The following TOP6BL variants were observed in gnomAD, a reference collection of about 807,000 sequenced individuals.
The protein encoded by TOP6BL is TOP6B like initiator of meiotic double strand breaks.
chr11:66,802,547 C>A, the TOP6BL span, among the ~76,000 whole-genome samples: 5 of 152,140 alleles, frequency 3.3e-5, no homozygotes, highest in Non-Finnish European at 5.9e-5. Flanking sequence ...ATCCTCCTGC[C>A]TCGGCCTTTC....
At chr11:66,780,106 A>G in the TOP6BL span, among the ~76,000 whole-genome samples, 1 of 152,160 alleles carries the variant, frequency 6.6e-6, no homozygotes, top group East Asian at 1.9e-4. Flanking sequence ...ACATGTATAC[A>G]TATGTAACAA....
At chr11:66,813,605 C>T in the TOP6BL span, among the ~76,000 whole-genome samples, 1 of 152,108 alleles carries the variant, frequency 6.6e-6, no homozygotes, top group South Asian at 2.1e-4. Context: ...TAGTGGCATG[C>T]ACCTGTAATC....
At chr11:66,751,605 C>T in the TOP6BL span, among the ~76,000 whole-genome samples, 1 of 151,478 alleles carries the variant, frequency 6.6e-6, no homozygotes, top group Non-Finnish European at 1.5e-5. Context: ...CCAAACTGCT[C>T]GAATTATAAG....
the TOP6BL span, among the ~76,000 whole-genome samples, chr11:66,810,183 TGAA>T: frequency 6.6e-6 from 1 of 151,822 alleles, no homozygotes; most frequent in Non-Finnish European, 1.5e-5. Context: ...AAAGGCAAAA[TGAA>T]GAATTTTTCA....
the TOP6BL span, among the ~76,000 whole-genome samples, chr11:66,759,548 C>T: frequency 6.6e-6 from 1 of 152,080 alleles, no homozygotes; most frequent in African/African-American, 2.4e-5. Context: ...AGAGTTGGTA[C>T]GGTTTAGGAG....
chr11:66,831,996 CAAAAAAAAAAAA>C, the TOP6BL span, among the ~76,000 whole-genome samples: 8 of 46,648 alleles, frequency 1.7e-4, 1 homozygote, highest in African/African-American at 6.8e-4. Context: ...GACTCTGTCT[CAAAAAAAAAAAA>C]AAAAAAAACA....
chr11:66,751,423 G>A, the TOP6BL span, among the ~76,000 whole-genome samples: 1 of 151,594 alleles, frequency 6.6e-6, no homozygotes, highest in South Asian at 2.1e-4. Context: ...TCGATCTCTT[G>A]ACCTCGTGAT....
the TOP6BL span, among the ~76,000 whole-genome samples, chr11:66,814,562 C>T: frequency 2.0e-5 from 3 of 152,072 alleles, no homozygotes; most frequent in Non-Finnish European, 4.4e-5. Context: ...CGCACCCGGC[C>T]TGGCATTGCA....
At chr11:66,751,651 C>T in the TOP6BL span, among the ~76,000 whole-genome samples, 1 of 152,014 alleles carries the variant, frequency 6.6e-6, no homozygotes, top group East Asian at 1.9e-4. Flanking sequence ...ATTGTTATAT[C>T]TTAATTTTCC....
At chr11:66,821,836 G>A in the TOP6BL span, 5 of 1,554,730 alleles carry the variant, frequency 3.2e-6, no homozygotes, top group African/African-American at 4.1e-5. Flanking sequence ...TGGCAGGCAG[G>A]GCCCAGGAGC....
At chr11:66,776,311 G>A in the TOP6BL span, among the ~76,000 whole-genome samples, 3 of 151,826 alleles carry the variant, frequency 2.0e-5, no homozygotes, top group Non-Finnish European at 4.4e-5. Context: ...TGCCTGCCTC[G>A]GCCTCCCAAA....
At chr11:66,758,424 G>C in the TOP6BL span, 3 of 145,920 alleles carry the variant, frequency 2.1e-5, no homozygotes, top group African/African-American at 7.7e-5. Context: ...CCATTCCCCT[G>C]CCTCAGCCTC....
At chr11:66,753,865 C>T in the TOP6BL span, among the ~76,000 whole-genome samples, 1 of 152,068 alleles carries the variant, frequency 6.6e-6, no homozygotes, top group Non-Finnish European at 1.5e-5. Context: ...CCACCACACC[C>T]AGCTAATTTT....
At chr11:66,804,564 T>C in the TOP6BL span, among the ~76,000 whole-genome samples, 11 of 152,188 alleles carry the variant, frequency 7.2e-5, no homozygotes, top group Admixed American at 4.6e-4. Flanking sequence ...GAGAAGTCTT[T>C]AGCAGCATTA....
chr11:66,746,337 AG>A, the TOP6BL span, among the ~76,000 whole-genome samples: 1 of 152,008 alleles, frequency 6.6e-6, no homozygotes, highest in Non-Finnish European at 1.5e-5. Context: ...CTGTATTCTC[AG>A]CACTTTGGGA....
the TOP6BL span, chr11:66,762,278 GCGGGCGCACAGC>G: frequency 2.1e-6 from 1 of 479,324 alleles, no homozygotes; most frequent in Non-Finnish European, 3.8e-6. Context: ...AGCCTGAAGG[GCGGGCGCACAGC>G]CGGGGCGCCG....
At chr11:66,801,964 G>A in the TOP6BL span, among the ~76,000 whole-genome samples, 1 of 152,138 alleles carries the variant, frequency 6.6e-6, no homozygotes. Flanking sequence ...AATGAATTAT[G>A]TCAAGAAAAG....
the TOP6BL span, among the ~76,000 whole-genome samples, chr11:66,769,683 T>C: frequency 2.6e-5 from 4 of 151,886 alleles, no homozygotes; most frequent in Middle Eastern, 3.2e-3. Context: ...ATCATGAGGG[T>C]TGGGCCTTCA....
chr11:66,794,922 G>A, the TOP6BL span, among the ~76,000 whole-genome samples: 1 of 151,980 alleles, frequency 6.6e-6, no homozygotes, highest in African/African-American at 2.4e-5. Context: ...CACCTGAGGT[G>A]AGGAGTTCGA....
Sources: gnomAD v4.1 joint callset for allele counts (sites outside exome capture counted in the v4.1 genomes callset) on GRCh38, gnomAD v4.1.1 for gene constraint, MANE v1.5 for transcripts, NCBI Gene and HGNC (gene_info 2026-07-23, HGNC 2026-07-21) for gene names.